Variants in SOS2 observed in about 807,000 individuals in gnomAD.
The protein encoded by SOS2 is son of sevenless homolog 2.
In SOS2, 65 loss-of-function variants were observed where a neutral mutation model predicts 148.2. The ratio of observed to expected loss-of-function variants is 0.44; its 90% CI spans 0.36 to 0.54. The LOEUF (loss-of-function observed/expected upper bound fraction) is 0.54, where lower values mean the gene tolerates loss of function less well. SOS2 is among the 20% of genes least tolerant of loss of function. The pLI is 0.00. For missense variants in SOS2, 1,341 were observed against 1,590.2 expected (o/e 0.84, Z 2.67); for synonymous variants, 539 against 537.1 (o/e 1.00, Z -0.05).
chr14:50,118,977 T>G lies in SOS2; in HGVS notation c.3490-124A>C, dbSNP rs532364101. 1.6e-4 allele frequency: 88 copies of G among 551,682 alleles called. 1 individual carries two copies. The highest frequency in any genetic ancestry group is 6.4e-5 in the Non-Finnish European group (21 of 329,524). The allele number at this position is 551,682 out of a possible 1,614,324, so 34.2% of individuals were successfully genotyped here. Reference sequence around the variant, plus strand: ...AGGCTCAAAATAAACTAATCTGGGTTAATTATCAGATTATGAGTACTCCTA... The same window carrying G: ...AGGCTCAAAATAAACTAATCTGGGTGAATTATCAGATTATGAGTACTCCTA... On this transcript the variant is annotated intron_variant, in intron 22 of 22. Transcript: ENST00000216373.
chr14:50,174,154 A>T (rs1885452071), intron 8 of SOS2, among the ~76,000 whole-genome samples: 1 of 150,592 alleles, frequency 6.6e-6, no homozygotes, highest in African/African-American at 2.4e-5. Flanking sequence ...TTGGCTAGTT[A>T]ATTAAAATAG....
chr14:50,215,137 G>C (rs1396193489), intron 1 of SOS2, among the ~76,000 whole-genome samples: 1 of 151,842 alleles, frequency 6.6e-6, no homozygotes, highest in East Asian at 1.9e-4. Context: ...CGCCCGGCAA[G>C]GTTGTTTCTT....
chr14:50,189,811 A>G (rs1047938558), intron 4 of SOS2, among the ~76,000 whole-genome samples: 5 of 151,864 alleles, frequency 3.3e-5, no homozygotes, highest in African/African-American at 1.2e-4. Flanking sequence ...CTAGCTATAA[A>G]TCAAAGTGAA....
In SOS2 at chr14:50,130,613, C is replaced by T; in HGVS notation, c.3225G>A (p.Glu1075=). 6 of 1,614,142 alleles carry T rather than the reference C, an allele frequency of 3.7e-6. No homozygotes were observed. The highest frequency in any genetic ancestry group is 5.1e-6 in the Non-Finnish European group (6 of 1,180,016). The change falls in exon 20 of 23, where the codon GAG becomes GAA. Residue 1075 remains glutamate, a synonymous_variant. Coordinates refer to ENST00000216373, the MANE Select transcript of SOS2 (RefSeq NM_006939.4). ...KISFSRIAET[E]LESTVSAPTS... is the part of the protein sequence containing the mutation. ...TTGGTGCTGACACTGTTGATTCCAG[C>T]TCAGTTTCAGCAATCCGACTAAAGC... is the stretch of plus-strand genomic sequence containing the variant.
At chr14:50,130,884 C>T (rs1883845895) in intron 19 of SOS2, 122 bp from the exon 20 acceptor site, 1 of 731,464 alleles carries the variant, frequency 1.4e-6, no homozygotes, top group African/African-American at 1.8e-5. Flanking sequence ...GCGTGCAGTC[C>T]TTCAGTCTGC....
intron 21 of SOS2, among the ~76,000 whole-genome samples, chr14:50,123,091 G>A (rs1375869824): frequency 6.6e-6 from 1 of 152,096 alleles, no homozygotes; most frequent in African/African-American, 2.4e-5. Context: ...AGGTGGGAGG[G>A]GAGCAACATA....
At chr14:50,195,679 T>C (rs895846124) in intron 4 of SOS2, among the ~76,000 whole-genome samples, 2 of 152,112 alleles carry the variant, frequency 1.3e-5, no homozygotes, top group African/African-American at 4.8e-5. Flanking sequence ...GAGGATTGCC[T>C]GAGCCCAGGG....
chr14:50,187,830 A>G (rs1474609170), intron 5 of SOS2, among the ~76,000 whole-genome samples: 1 of 152,180 alleles, frequency 6.6e-6, no homozygotes, highest in Non-Finnish European at 1.5e-5. Context: ...CTGAGCTTCA[A>G]ACTAAAACTT....
At chr14:50,188,476 C>A in intron 5 of SOS2, 21 bp downstream of exon 5, 1 of 1,540,614 alleles carries the variant, frequency 6.5e-7, no homozygotes, top group South Asian at 1.2e-5. Flanking sequence ...CACAGAATTT[C>A]AAACCCAAAA....
At chr14:50,197,687 A>AC in intron 4 of SOS2, among the ~76,000 whole-genome samples, 1 of 77,114 alleles carries the variant, frequency 1.3e-5, no homozygotes, top group South Asian at 3.9e-4. Context: ...CAGCTTTACC[A>AC]CCTTTTTTTT....
intron 22 of SOS2, among the ~76,000 whole-genome samples, chr14:50,119,803 CTTTT>C (rs59325250): frequency 8.8e-5 from 6 of 68,498 alleles, no homozygotes; most frequent in South Asian, 4.9e-4. Flanking sequence ...CCCAACCAGC[CTTTT>C]TTTTTTTTTT....
At chr14:50,127,660 G>A (rs959569994) in intron 21 of SOS2, among the ~76,000 whole-genome samples, 4 of 152,036 alleles carry the variant, frequency 2.6e-5, no homozygotes, top group Admixed American at 2.6e-4. Flanking sequence ...CTGTATATTT[G>A]GGTCCCTCTG....
chr14:50,139,026 C>T (rs1014084718), intron 17 of SOS2, among the ~76,000 whole-genome samples: 1 of 151,932 alleles, frequency 6.6e-6, no homozygotes, highest in African/African-American at 2.4e-5. Flanking sequence ...AAAATAAAGG[C>T]TGCTAATCTA....
At chr14:50,166,309 A>G (rs535025896) in intron 8 of SOS2, among the ~76,000 whole-genome samples, 10 of 152,060 alleles carry the variant, frequency 6.6e-5, no homozygotes, top group Non-Finnish European at 1.5e-4. Context: ...TGCATCCTCG[A>G]TGTCCCGGGT....
intron 1 of SOS2, among the ~76,000 whole-genome samples, chr14:50,208,039 T>C (rs1299457033): frequency 6.6e-6 from 1 of 152,148 alleles, no homozygotes; most frequent in Admixed American, 6.5e-5. Flanking sequence ...CTCACACCTA[T>C]AATCCCAGCA....
rs748602123 is a variant in SOS2 at position 50,201,059 on chromosome 14, T to C, written c.239A>G (p.His80Arg). 1.2e-6 allele frequency: 2 copies of C among 1,613,702 alleles called. No individual in the cohort carries two copies. Among genetic ancestry groups the C allele is most frequent in the Non-Finnish European group, 1.7e-6 (2 of 1,179,770 alleles). ...VEERVQKTFP[H>R]PIDKWAIADA... ...AGCAATGGCCCATTTATCAATTGGG[T>C]GAGGAAAGGTCTTCTGAACTCGCTC... is the stretch of plus-strand genomic sequence containing the variant. Residue 80 changes from histidine (H) to arginine (R), a missense_variant, in exon 3 of 23, where the codon CAC (histidine) becomes CGC (arginine). Physicochemically the swap from His to Arg is conservative, Grantham distance 29. This residue lies in a region of SOS2 where 574 missense variants were observed against 711.1 expected (regional missense o/e 0.81). Coordinates refer to ENST00000216373, the MANE Select transcript of SOS2 (RefSeq NM_006939.4).
At chr14:50,167,770 T>C (rs766336426) in intron 8 of SOS2, among the ~76,000 whole-genome samples, 2 of 149,268 alleles carry the variant, frequency 1.3e-5, no homozygotes, top group African/African-American at 5.0e-5. Flanking sequence ...CTTGGGAGGC[T>C]GATGTGGGAG....
chr14:50,221,796 C>T lies in SOS2; in HGVS notation c.87+9401G>A, dbSNP rs367800808. 1.3e-4 allele frequency among the ~76,000 whole-genome samples: 20 copies of T among 152,152 alleles called. No homozygotes were observed. The South Asian group carries it at 3.5e-3, about 27-fold the overall frequency. On this transcript the variant is annotated intron_variant, in intron 1 of 22. Transcript: ENST00000216373. Reference sequence around the variant, plus strand: ...GAAGCTGCAGTGAGCCATGATCATGCCACTGTACTCCAGCCTGGGTGACAG... The same window carrying T: ...GAAGCTGCAGTGAGCCATGATCATGTCACTGTACTCCAGCCTGGGTGACAG...
At chr14:50,166,410 G>A (rs1193123650) in intron 8 of SOS2, among the ~76,000 whole-genome samples, 4 of 151,974 alleles carry the variant, frequency 2.6e-5, no homozygotes, top group African/African-American at 9.7e-5. Context: ...TGAATTTTTT[G>A]TAGAGATGGG....
Sources: allele counts gnomAD v4.1 joint callset (sites outside exome capture counted in the v4.1 genomes callset), GRCh38; gene constraint gnomAD v4.1.1; regional missense constraint gnomAD v4.1.1; transcripts MANE v1.5; gene names NCBI Gene and HGNC (gene_info 2026-07-23, HGNC 2026-07-21).